MILR1: variants seen among roughly 807,000 people sequenced by gnomAD.
MILR1 encodes mast cell immunoglobulin like receptor 1.
MILR1 carries 31 observed loss-of-function variants against 18.5 expected under a neutral mutation model. That is an observed-to-expected ratio of 1.68 (90% CI 1.26 to 2.26). The LOEUF is 2.26. Among genes scored for constraint, MILR1 ranks in the 30% most tolerant of loss-of-function variants. The pLI is 0.00. For synonymous variants in MILR1, 85 were observed against 56.2 expected, an observed-to-expected ratio of 1.51 and a Z score of -2.30; for missense variants, 257 against 157.4, an observed-to-expected ratio of 1.63 and a Z score of -3.38.
At chr17:64,477,921 G>A in the MILR1 span, 3 of 1,613,988 alleles carry the variant, frequency 1.9e-6, no homozygotes, top group Non-Finnish European at 2.5e-6. Context: ...CTTCTCAGAT[G>A]TATTAATCCA....
At chr17:64,452,082 G>GTTTTTTTTTTTTTTT (rs34558703) in intron 2 of MILR1, among the ~76,000 whole-genome samples, 5 of 137,172 alleles carry the variant, frequency 3.6e-5, no homozygotes, top group African/African-American at 5.3e-5. Context: ...TCCCAGCTAT[G>GTTTTTTTTTTTTTTT]TTTTTTTTTT....
intron 9 of MILR1, 57 bp from the exon 10 acceptor site, chr17:64,468,253 C>G (rs2037624278): frequency 2.2e-6 from 1 of 455,872 alleles, no homozygotes; most frequent in Non-Finnish European, 4.4e-6. Flanking sequence ...CAACTTCTGC[C>G]TCTGTCTTCA....
At position 64,459,992 on chromosome 17, in the gene MILR1, TTTTATTTATTTATTTA is replaced by T. The variant is rs202053813; in HGVS notation, c.653-790_653-775del. Among the ~76,000 whole-genome samples the T allele has an allele frequency of 7.8e-3, 983 of 125,354 alleles. 9 individuals carry two copies. The highest frequency in any genetic ancestry group is 0.021 in the African/African-American group (693 of 32,698). The allele number at this position is 125,354 out of a possible 152,430, so 82.2% of individuals were successfully genotyped here. ...ACTTTATTATTTTTATTTTATTTTATTTTATTTATTTATTTATTTATTTATTTATTTATTTATTTAT... is the reference window on the plus strand; with the variant it reads ...ACTTTATTATTTTTATTTTATTTTATTTTATTTATTTATTTATTTATTTAT... On this transcript the variant is annotated intron_variant, in intron 4 of 9. Transcript: ENST00000619286.
the MILR1 span, chr17:64,477,936 C>A: frequency 6.2e-7 from 1 of 1,613,918 alleles, no homozygotes. Context: ...AATCCATTCT[C>A]CAAAGTAGTT....
At chr17:64,495,083 CAGG>C in the MILR1 span, among the ~76,000 whole-genome samples, 12 of 148,392 alleles carry the variant, frequency 8.1e-5, no homozygotes, top group Non-Finnish European at 4.4e-5. Flanking sequence ...GAGGCTGAGG[CAGG>C]AGAATGGCGT....
intron 8 of MILR1, among the ~76,000 whole-genome samples, chr17:64,467,064 TTCTC>T (rs1196738099): frequency 1.2e-4 from 18 of 150,734 alleles, no homozygotes; most frequent in East Asian, 3.9e-4. Context: ...TTTCTTTTCT[TTCTC>T]TCTCTCTCTC....
the MILR1 span, among the ~76,000 whole-genome samples, chr17:64,479,399 G>A: frequency 6.6e-6 from 1 of 151,944 alleles, no homozygotes; most frequent in African/African-American, 2.4e-5. Flanking sequence ...TGGCCAGGCT[G>A]GTCTTGAACT....
the MILR1 span, chr17:64,485,964 T>G: frequency 5.2e-6 from 6 of 1,155,424 alleles, no homozygotes; most frequent in East Asian, 1.4e-4. Context: ...CTGGCCAGGC[T>G]GGAGTGCAGT....
the MILR1 span, chr17:64,496,912 A>G: frequency 6.2e-7 from 1 of 1,612,508 alleles, no homozygotes; most frequent in Non-Finnish European, 8.5e-7. Flanking sequence ...CCCCAAACCC[A>G]GACAACAGGC....
At chr17:64,469,998 G>A (rs1299056876), downstream of MILR1, among the ~76,000 whole-genome samples, 2 of 152,210 alleles carry the variant, frequency 1.3e-5, no homozygotes, top group Non-Finnish European at 2.9e-5. Context: ...ACAACGAGGA[G>A]TGACTGGCTA....
chr17:64,466,971 CTCTT>C (rs545587436), intron 8 of MILR1, among the ~76,000 whole-genome samples: 58 of 152,060 alleles, frequency 3.8e-4, no homozygotes, highest in East Asian at 2.7e-3. Flanking sequence ...CTCCCTCTCT[CTCTT>C]TCTTTCTTTC....
the MILR1 span, chr17:64,496,962 A>G: frequency 6.2e-7 from 1 of 1,605,380 alleles, no homozygotes; most frequent in Non-Finnish European, 8.5e-7. Flanking sequence ...GCTACACGAG[A>G]GCGCATCTCT....
the MILR1 span, among the ~76,000 whole-genome samples, chr17:64,475,618 C>CAG: frequency 1.1e-4 from 16 of 144,646 alleles, no homozygotes; most frequent in Non-Finnish European, 2.0e-4. Flanking sequence ...CACTGTACTC[C>CAG]AGCCTGGGCA....
chr17:64,455,340 C>A (rs1327310451), intron 3 of MILR1, among the ~76,000 whole-genome samples: 1 of 152,130 alleles, frequency 6.6e-6, no homozygotes, highest in Non-Finnish European at 1.5e-5. Context: ...TCCATGCAAG[C>A]AATTGTACTA....
intron 6 of MILR1, among the ~76,000 whole-genome samples, chr17:64,465,971 G>GTACTATAA (rs2037548760): frequency 6.6e-6 from 1 of 152,150 alleles, no homozygotes. Flanking sequence ...CTACTATAAG[G>GTACTATAA]ACATACCTGA....
intron 8 of MILR1, among the ~76,000 whole-genome samples, chr17:64,467,295 A>T (rs1261068960): frequency 6.7e-6 from 1 of 149,280 alleles, no homozygotes; most frequent in Non-Finnish European, 1.5e-5. Context: ...TTTTGGATAG[A>T]GACAAGTATC....
the MILR1 span, among the ~76,000 whole-genome samples, chr17:64,497,351 TC>T: frequency 1.3e-5 from 2 of 152,276 alleles, no homozygotes; most frequent in Non-Finnish European, 2.9e-5. Flanking sequence ...TTCAGTATTA[TC>T]CAAATCACCT....
chr17:64,455,781 G>A (rs2037284368), intron 3 of MILR1, among the ~76,000 whole-genome samples: 1 of 151,808 alleles, frequency 6.6e-6, no homozygotes, highest in South Asian at 2.1e-4. Flanking sequence ...GCTCACGCCT[G>A]TAATCCCAGC....
the MILR1 span, chr17:64,492,979 T>C: frequency 9.9e-6 from 16 of 1,614,060 alleles, no homozygotes; most frequent in East Asian, 3.6e-4. Flanking sequence ...AGGTAGCCTC[T>C]TGTTTACCAG....
Sources: allele counts gnomAD v4.1 joint callset (sites outside exome capture counted in the v4.1 genomes callset), GRCh38; gene constraint gnomAD v4.1.1; transcripts MANE v1.5; gene names NCBI Gene and HGNC (gene_info 2026-07-23, HGNC 2026-07-21).